The following STXBP6 variants were observed in gnomAD, a reference collection of about 807,000 sequenced individuals.
STXBP6 encodes the protein syntaxin-binding protein 6.
In STXBP6, 21 loss-of-function variants were observed where a neutral mutation model predicts 26.9. That is an observed-to-expected ratio of 0.78 (90% CI 0.55 to 1.12). The LOEUF is 1.12. Among genes scored for constraint, STXBP6 ranks in the 50% most tolerant of loss-of-function variants. The pLI, the probability that STXBP6 is intolerant of heterozygous loss-of-function variation, is 0.00. For synonymous variants in STXBP6, 97 were observed against 92.6 expected (o/e 1.05, Z -0.27); for missense variants, 232 against 257.9 (o/e 0.90, Z 0.69).
intron 2 of STXBP6, among the ~76,000 whole-genome samples, chr14:24,912,170 C>T (rs1242728990): frequency 2.0e-5 from 3 of 152,128 alleles, no homozygotes; most frequent in South Asian, 4.2e-4. Flanking sequence ...ACAAGGAATT[C>T]GTAGAAGTAA....
chr14:24,844,187 C>A (rs1188936792), intron 4 of STXBP6, among the ~76,000 whole-genome samples: 2 of 152,184 alleles, frequency 1.3e-5, no homozygotes, highest in Non-Finnish European at 2.9e-5. Flanking sequence ...GGTAGCGCAC[C>A]TCAACTCCAT....
chr14:25,021,186 C>A (rs1005132298), intron 1 of STXBP6, among the ~76,000 whole-genome samples: 14 of 152,174 alleles, frequency 9.2e-5, no homozygotes, highest in Admixed American at 2.0e-4. Context: ...ACAATTGTAG[C>A]AGCCTTCAGC....
At chr14:24,883,764 C>T (rs1219728103) in intron 2 of STXBP6, among the ~76,000 whole-genome samples, 1 of 152,146 alleles carries the variant, frequency 6.6e-6, no homozygotes, top group African/African-American at 2.4e-5. Context: ...GGCTTACTCA[C>T]CAGTTTTTGT....
At position 24,983,745 on chromosome 14, in the gene STXBP6, C is replaced by CT. The variant is rs576497222; in HGVS notation, c.-32-8896dup. ...TATATTAGATATTTGTTGACTCAAGCTTTAGGTAAATTTTAAGTTTTCTTG... is the reference window on the plus strand; with the variant it reads ...TATATTAGATATTTGTTGACTCAAGCTTTTAGGTAAATTTTAAGTTTTCTTG... On this transcript the variant is annotated intron_variant, in intron 1 of 5. Coordinates refer to ENST00000323944, the MANE Select transcript of STXBP6 (RefSeq NM_001394410.1). 3.0e-4 allele frequency among the ~76,000 whole-genome samples: 46 copies of CT among 152,256 alleles called. No homozygotes were observed. In the East Asian group the frequency reaches 8.5e-3, roughly 28 times the overall value.
intron 2 of STXBP6, among the ~76,000 whole-genome samples, chr14:24,958,906 T>A (rs1462565859): frequency 6.6e-6 from 1 of 152,090 alleles, no homozygotes; most frequent in Admixed American, 6.5e-5. Flanking sequence ...TCCTTAAGTA[T>A]CAACAAAGAA....
chr14:24,860,430 C>A (rs2069494826), intron 2 of STXBP6, among the ~76,000 whole-genome samples: 1 of 152,052 alleles, frequency 6.6e-6, no homozygotes, highest in Non-Finnish European at 1.5e-5. Context: ...CATATACCGC[C>A]AAGATTCAGA....
At chr14:24,953,172 A>G (rs1394698293) in intron 2 of STXBP6, among the ~76,000 whole-genome samples, 2 of 152,132 alleles carry the variant, frequency 1.3e-5, no homozygotes, top group Non-Finnish European at 2.9e-5. Flanking sequence ...CTCTGCCTCC[A>G]TATTCACATC....
intron 4 of STXBP6, among the ~76,000 whole-genome samples, chr14:24,854,582 T>C (rs776696516): frequency 3.6e-4 from 55 of 152,116 alleles, no homozygotes; most frequent in Non-Finnish European, 7.2e-4. Context: ...AAACTCCACC[T>C]AATGAAGAAT....
intron 2 of STXBP6, among the ~76,000 whole-genome samples, chr14:24,914,469 G>A (rs971568380): frequency 3.9e-5 from 6 of 152,056 alleles, no homozygotes; most frequent in African/African-American, 1.2e-4. Context: ...GTCAAAGGAC[G>A]AAAAATCTAT....
chr14:24,946,826 T>C (rs985191088), intron 2 of STXBP6, among the ~76,000 whole-genome samples: 12 of 152,090 alleles, frequency 7.9e-5, no homozygotes, highest in African/African-American at 2.4e-4. Flanking sequence ...GGAGAGAAGA[T>C]AAATGGAAGA....
At chr14:24,914,736 A>C (rs2071699067) in intron 2 of STXBP6, among the ~76,000 whole-genome samples, 1 of 152,184 alleles carries the variant, frequency 6.6e-6, no homozygotes, top group Non-Finnish European at 1.5e-5. Flanking sequence ...GCACATCAGA[A>C]AAATGGCTTG....
At chr14:24,899,802 A>AAAC (rs1566458067) in intron 2 of STXBP6, among the ~76,000 whole-genome samples, 16 of 83,412 alleles carry the variant, frequency 1.9e-4, no homozygotes, top group African/African-American at 2.4e-4. Context: ...AAAAAAAAGC[A>AAAC]AAAAAAAAAA....
intron 1 of STXBP6, among the ~76,000 whole-genome samples, chr14:25,015,187 T>C (rs990704592): frequency 1.3e-5 from 2 of 152,206 alleles, no homozygotes; most frequent in East Asian, 1.9e-4. Context: ...ATAACCATTA[T>C]CTTTTTCTCT....
chr14:24,838,455 G>A (rs1395570540), intron 4 of STXBP6, among the ~76,000 whole-genome samples: 1 of 152,194 alleles, frequency 6.6e-6, no homozygotes. Context: ...GGAGGCCAAG[G>A]CCAGTGGATC....
At chr14:24,837,071 T>C (rs1313449977) in intron 4 of STXBP6, among the ~76,000 whole-genome samples, 1 of 152,236 alleles carries the variant, frequency 6.6e-6, no homozygotes, top group East Asian at 1.9e-4. Context: ...ATATATGGCA[T>C]TGCAATTTTT....
chr14:24,890,006 G>A (rs1261076223), intron 2 of STXBP6, among the ~76,000 whole-genome samples: 1 of 152,206 alleles, frequency 6.6e-6, no homozygotes, highest in Non-Finnish European at 1.5e-5. Context: ...TGCCACTAGA[G>A]CCACTAATTC....
chr14:25,034,709 A>T (rs1317059539), intron 1 of STXBP6, among the ~76,000 whole-genome samples: 1 of 152,218 alleles, frequency 6.6e-6, no homozygotes, highest in Non-Finnish European at 1.5e-5. Flanking sequence ...GAGTTGAAAG[A>T]ATCCACAAAA....
intron 2 of STXBP6, 109 bp downstream of exon 2, chr14:24,974,556 C>T: frequency 1.1e-6 from 1 of 942,362 alleles, no homozygotes; most frequent in Non-Finnish European, 1.5e-6. Flanking sequence ...AGGAGCAAGA[C>T]AGTGCAGACA....
At chr14:24,987,146 C>T (rs1457759095) in intron 1 of STXBP6, among the ~76,000 whole-genome samples, 1 of 152,178 alleles carries the variant, frequency 6.6e-6, no homozygotes, top group Non-Finnish European at 1.5e-5. Context: ...TGGTACCACA[C>T]ACTAACACAT....
Sources: allele counts gnomAD v4.1 joint callset (sites outside exome capture counted in the v4.1 genomes callset), GRCh38; gene constraint gnomAD v4.1.1; transcripts MANE v1.5; gene names NCBI Gene and HGNC (gene_info 2026-07-23, HGNC 2026-07-21).